Variants in AHI1 observed in about 807,000 individuals in gnomAD.
AHI1 encodes the protein Abelson helper integration site 1.
AHI1 carries 123 observed loss-of-function variants against 149.3 expected under a neutral mutation model. The observed-to-expected ratio is 0.82, with a 90% CI of 0.71 to 0.96. AHI1 has a LOEUF of 0.96. Among genes scored for constraint, AHI1 ranks in the 40% least tolerant of loss-of-function variants. The probability of loss-of-function intolerance (pLI) is 0.00; values close to 1 mark genes in which losing one functional copy is unlikely to be tolerated. For synonymous variants in AHI1, 475 were observed against 459.8 expected (o/e 1.03, Z -0.42); for missense variants, 1,439 against 1,422.7 (o/e 1.01, Z -0.18).
At chr6:135,473,300 A>T (rs902577614) in intron 5 of AHI1, among the ~76,000 whole-genome samples, 1 of 152,118 alleles carries the variant, frequency 6.6e-6, no homozygotes, top group South Asian at 2.1e-4. Flanking sequence ...TGCTCTACTG[A>T]TTTATATGCC....
intron 17 of AHI1, among the ~76,000 whole-genome samples, chr6:135,430,831 ACACTGTT>A (rs1784545024): frequency 6.6e-6 from 1 of 152,000 alleles, no homozygotes; most frequent in Non-Finnish European, 1.5e-5. Flanking sequence ...AATACTGAGA[ACACTGTT>A]TTTAGAGATA....
intron 22 of AHI1, among the ~76,000 whole-genome samples, chr6:135,404,343 TA>T (rs1780446566): frequency 6.6e-6 from 1 of 152,242 alleles, no homozygotes; most frequent in African/African-American, 2.4e-5. Flanking sequence ...AATTGTTTAC[TA>T]ATCGAGAGCC....
intron 26 of AHI1, among the ~76,000 whole-genome samples, chr6:135,304,491 G>A (rs1436361230): frequency 2.0e-5 from 3 of 152,234 alleles, no homozygotes; most frequent in African/African-American, 4.8e-5. Context: ...AGTGAAGACC[G>A]CCGGGTGTGG....
intron 8 of AHI1, among the ~76,000 whole-genome samples, chr6:135,461,842 G>A (rs983892138): frequency 6.6e-6 from 1 of 151,996 alleles, no homozygotes; most frequent in Non-Finnish European, 1.5e-5. Flanking sequence ...AAGGAGCACA[G>A]TATTTATCAT....
At chr6:135,328,795 CCAAA>C (rs1788100510) in intron 24 of AHI1, among the ~76,000 whole-genome samples, 1 of 151,928 alleles carries the variant, frequency 6.6e-6, no homozygotes, top group South Asian at 2.1e-4. Context: ...GCATTTTGTG[CCAAA>C]CAGTCAAGTT....
chr6:135,367,291 G>A (rs1383407935), intron 23 of AHI1, among the ~76,000 whole-genome samples: 2 of 152,152 alleles, frequency 1.3e-5, no homozygotes, highest in Non-Finnish European at 2.9e-5. Context: ...CAGCTCTTAA[G>A]ATTCTTTCCT....
chr6:135,311,600 T>TC (rs2128366604), intron 26 of AHI1, among the ~76,000 whole-genome samples: 1 of 151,952 alleles, frequency 6.6e-6, no homozygotes, highest in South Asian at 2.1e-4. Flanking sequence ...ATAACTTTCC[T>TC]CCCCAAATAA....
In AHI1 at chr6:135,490,552, C is replaced by A. The variant is rs1242836625; in HGVS notation, c.135+71G>T. 3.8e-6 allele frequency: 6 copies of A among 1,565,082 alleles called. No individual in the cohort carries two copies. The African/African-American group carries it at 5.4e-5, about 14-fold the overall frequency. ...TTTTCAAAATTCCTTAGAATTTTAA[C>A]ATAAAATGCAGCCATATCTGCATTT... On this transcript the variant is annotated intron_variant, in intron 5 of 28. Coordinates refer to ENST00000265602, the MANE Select transcript of AHI1 (RefSeq NM_001134831.2).
At chr6:135,333,410 T>A (rs994260833) in intron 24 of AHI1, among the ~76,000 whole-genome samples, 3 of 152,176 alleles carry the variant, frequency 2.0e-5, no homozygotes, top group African/African-American at 4.8e-5. Context: ...TCTAGCATCA[T>A]GTGGTAGAAA....
intron 5 of AHI1, among the ~76,000 whole-genome samples, chr6:135,480,821 T>C (rs1385851452): frequency 6.6e-6 from 1 of 152,142 alleles, no homozygotes; most frequent in Non-Finnish European, 1.5e-5. Flanking sequence ...TTGGCTGAGC[T>C]CCACCTCCTG....
intron 20 of AHI1, among the ~76,000 whole-genome samples, chr6:135,424,424 A>C (rs1783656489): frequency 6.6e-6 from 1 of 152,040 alleles, no homozygotes; most frequent in African/African-American, 2.4e-5. Context: ...ACTGAAGTCT[A>C]GCTTCATAAA....
intron 28 of AHI1, among the ~76,000 whole-genome samples, chr6:135,288,443 G>C (rs1377454963): frequency 6.6e-6 from 1 of 151,828 alleles, no homozygotes; most frequent in Non-Finnish European, 1.5e-5. Context: ...CATTCATTTT[G>C]AAAGAAATGA....
chr6:135,357,126 AT>A lies in AHI1; in HGVS notation c.3165+1005del, dbSNP rs541956456. The stretch of plus-strand genomic sequence containing the variant: ...GATAACTTTTTGTATTTTAGTAGAG[AT>A]GGGGTTTCACCATGTTGGCCAGGAT... On this transcript the variant is annotated intron_variant, in intron 24 of 28. Transcript: ENST00000265602. Among the ~76,000 whole-genome samples, 330 of 152,232 alleles carry A rather than the reference AT, an allele frequency of 2.2e-3. 1 individual carries two copies. The highest frequency in any genetic ancestry group is 7.5e-3 in the African/African-American group (312 of 41,544).
intron 24 of AHI1, among the ~76,000 whole-genome samples, chr6:135,330,266 C>T (rs1788351438): frequency 6.6e-6 from 1 of 152,152 alleles, no homozygotes; most frequent in African/African-American, 2.4e-5. Flanking sequence ...ATCGATGTGG[C>T]AAATTTCATT....
intron 28 of AHI1, among the ~76,000 whole-genome samples, chr6:135,288,922 A>T (rs1030079657): frequency 6.6e-6 from 1 of 152,038 alleles, no homozygotes. Flanking sequence ...CAGCAGTGTA[A>T]GCGGGAATCC....
At chr6:135,358,025 T>G (rs886665945) in intron 24 of AHI1, 107 bp downstream of exon 24, 2 of 935,170 alleles carry the variant, frequency 2.1e-6, no homozygotes, top group Non-Finnish European at 3.3e-6. Context: ...GGATATAACT[T>G]TTGGCAAAAA....
intron 10 of AHI1, among the ~76,000 whole-genome samples, chr6:135,454,350 G>A (rs1788592740): frequency 6.6e-6 from 1 of 151,962 alleles, no homozygotes; most frequent in Admixed American, 6.6e-5. Flanking sequence ...ACATACACAT[G>A]AATACCGTAA....
chr6:135,302,654 T>A, intron 26 of AHI1: 1 of 1,167,252 alleles, frequency 8.6e-7, no homozygotes, highest in Non-Finnish European at 1.1e-6. Flanking sequence ...ACCACTTACT[T>A]GAAAAGGACA....
intron 14 of AHI1, among the ~76,000 whole-genome samples, chr6:135,441,728 C>A (rs542141645): frequency 1.3e-5 from 2 of 152,170 alleles, no homozygotes; most frequent in African/African-American, 4.8e-5. Context: ...TCCTAAGAAC[C>A]TTTTTTCCCT....
Sources: gnomAD v4.1 joint callset for allele counts (sites outside exome capture counted in the v4.1 genomes callset) on GRCh38, gnomAD v4.1.1 for gene constraint, MANE v1.5 for transcripts, NCBI Gene and HGNC (gene_info 2026-07-23, HGNC 2026-07-21) for gene names.